Variants in SIPA1L1 observed in about 807,000 individuals in gnomAD.
SIPA1L1 encodes the protein signal-induced proliferation-associated 1-like protein 1.
A neutral mutation model predicts 162.7 loss-of-function variants in SIPA1L1; 26 were observed. The ratio of observed to expected loss-of-function variants is 0.16; its 90% confidence interval spans 0.12 to 0.22. The LOEUF (loss-of-function observed/expected upper bound fraction) is 0.22, where lower values mean the gene tolerates loss of function less well. SIPA1L1 is among the 10% of genes least tolerant of loss of function. The pLI is 1.00. For synonymous variants in SIPA1L1, 829 were observed against 837.4 expected (o/e 0.99, Z 0.17); for missense variants, 1,874 against 2,241.0 (o/e 0.84, Z 3.31).
In SIPA1L1 at chr14:71,606,540, A is replaced by G. The variant is rs149751190; in HGVS notation, c.1499-12217A>G. 2.9e-3 allele frequency among the ~76,000 whole-genome samples: 444 copies of G among 152,254 alleles called. 2 individuals are homozygous for G. The highest frequency in any genetic ancestry group is 0.017 in the Middle Eastern group (5 of 294). On this transcript the variant is annotated intron_variant, in intron 5 of 23. Coordinates refer to ENST00000381232, the MANE Select transcript of SIPA1L1 (RefSeq NM_001386936.1). ...GGACTCAGGAGGGTATGTTGGACCA[A>G]TTGTGGGCTTCGTCCTGAGCACTGC...
intron 14 of SIPA1L1, among the ~76,000 whole-genome samples, chr14:71,700,994 C>CAAAAAAAAAAAAAAAAAAA (rs539293669): frequency 7.7e-5 from 4 of 51,736 alleles, no homozygotes; most frequent in African/African-American, 1.5e-4. Context: ...GACTCCGTCT[C>CAAAAAAAAAAAAAAAAAAA]AAAAAAAAAA....
intron 19 of SIPA1L1, among the ~76,000 whole-genome samples, chr14:71,726,055 CCCAGATAGG>C (rs1309703630): frequency 6.6e-6 from 1 of 152,122 alleles, no homozygotes; most frequent in Non-Finnish European, 1.5e-5. Flanking sequence ...CATGCATCTC[CCCAGATAGG>C]CCAGATAAAC....
chr14:71,362,880 T>C (rs1019426327), intron 2 of SIPA1L1, among the ~76,000 whole-genome samples: 4 of 152,204 alleles, frequency 2.6e-5, no homozygotes, highest in Admixed American at 6.5e-5. Context: ...GCTTCTGTAA[T>C]AGAAGTATAG....
chr14:71,484,965 T>C (rs1391156425), intron 2 of SIPA1L1, among the ~76,000 whole-genome samples: 1 of 152,174 alleles, frequency 6.6e-6, no homozygotes, highest in Non-Finnish European at 1.5e-5. Context: ...GACTTCTGAT[T>C]CTGCACAAAG....
rs2082171057 is a variant in SIPA1L1, at chr14:71,702,592, A to C, written c.3646+87A>C. 7 of 1,182,868 alleles carry C rather than the reference A, an allele frequency of 5.9e-6. No homozygotes were observed. The South Asian group carries it at 1.0e-4, about 17-fold the overall frequency. 73.3% of individuals were successfully genotyped at this position (1,182,868 alleles called of 1,614,324 possible). A position where few individuals can be genotyped will look rare whatever the true frequency, so the allele number is the denominator to read the frequency against. Reference sequence around the variant, plus strand: ...GATGATGTTATCAAAACATTGTTATAAAAGGTAGCCCTAGTTAATAAATAT... The same window carrying C: ...GATGATGTTATCAAAACATTGTTATCAAAGGTAGCCCTAGTTAATAAATAT... On this transcript the variant is annotated intron_variant, in intron 15 of 23. Coordinates refer to ENST00000381232, the MANE Select transcript of SIPA1L1 (RefSeq NM_001386936.1).
intron 4 of SIPA1L1, among the ~76,000 whole-genome samples, chr14:71,568,203 A>G (rs1322116188): frequency 6.6e-6 from 1 of 152,152 alleles, no homozygotes; most frequent in Non-Finnish European, 1.5e-5. Context: ...CCCAGCCTCT[A>G]TACAAGATGG....
intron 5 of SIPA1L1, among the ~76,000 whole-genome samples, chr14:71,595,962 C>T (rs926172856): frequency 6.6e-6 from 1 of 152,164 alleles, no homozygotes; most frequent in East Asian, 1.9e-4. Context: ...ATAGTCTACC[C>T]TGCTCAAAAT....
chr14:71,410,471 A>C (rs1013902070), intron 2 of SIPA1L1, among the ~76,000 whole-genome samples: 7 of 152,224 alleles, frequency 4.6e-5, no homozygotes, highest in African/African-American at 1.4e-4. Context: ...AGGGTTAAAC[A>C]TATGGGTTGA....
intron 4 of SIPA1L1, among the ~76,000 whole-genome samples, chr14:71,552,291 G>T (rs1768860775): frequency 6.6e-6 from 1 of 151,954 alleles, no homozygotes; most frequent in Non-Finnish European, 1.5e-5. Flanking sequence ...ACCACAAAAG[G>T]TACAGAATAT....
At chr14:71,664,571 C>G (rs1297843230) in intron 10 of SIPA1L1, among the ~76,000 whole-genome samples, 2 of 152,120 alleles carry the variant, frequency 1.3e-5, no homozygotes, top group African/African-American at 4.8e-5. Context: ...TCTAGTTATA[C>G]TCTTTTAGTT....
intron 2 of SIPA1L1, among the ~76,000 whole-genome samples, chr14:71,456,780 A>G (rs2046216801): frequency 6.6e-6 from 1 of 152,206 alleles, no homozygotes; most frequent in Non-Finnish European, 1.5e-5. Context: ...CAGTTTTTAA[A>G]ATAAAATATA....
At chr14:71,521,075 A>T (rs1476627941) in intron 3 of SIPA1L1, among the ~76,000 whole-genome samples, 1 of 151,992 alleles carries the variant, frequency 6.6e-6, no homozygotes, top group East Asian at 1.9e-4. Context: ...TCTGCTGTGG[A>T]TGTGCACTGC....
intron 13 of SIPA1L1, among the ~76,000 whole-genome samples, chr14:71,688,054 A>G (rs1596989375): frequency 6.6e-6 from 1 of 152,254 alleles, no homozygotes; most frequent in African/African-American, 2.4e-5. Context: ...AATATATGGT[A>G]ATTAATTGGA....
intron 18 of SIPA1L1, 148 bp downstream of exon 18, chr14:71,724,034 T>C: frequency 1.2e-6 from 1 of 808,016 alleles, no homozygotes; most frequent in Non-Finnish European, 1.9e-6. Context: ...TTTTTTTTCC[T>C]AAGTAATATT....
chr14:71,482,544 C>G (rs571830721), intron 2 of SIPA1L1, among the ~76,000 whole-genome samples: 2 of 152,332 alleles, frequency 1.3e-5, no homozygotes, highest in African/African-American at 4.8e-5. Flanking sequence ...TCCCTGAGTA[C>G]ATCTCTCTCA....
At chr14:71,629,217 A>G (rs1012363613) in intron 7 of SIPA1L1, among the ~76,000 whole-genome samples, 1 of 152,224 alleles carries the variant, frequency 6.6e-6, no homozygotes, top group Admixed American at 6.5e-5. Flanking sequence ...GATTACAGGC[A>G]TGAGCCACTG....
intron 3 of SIPA1L1, among the ~76,000 whole-genome samples, chr14:71,524,825 G>A (rs936393836): frequency 1.3e-5 from 2 of 152,120 alleles, no homozygotes; most frequent in South Asian, 2.1e-4. Context: ...AGATATGACC[G>A]ACTCATTCAT....
chr14:71,448,814 T>G (rs1450384800), intron 2 of SIPA1L1: 1 of 152,260 alleles, frequency 6.6e-6, no homozygotes, highest in African/African-American at 2.4e-5. Context: ...AGTTCAGCAT[T>G]TCCTGGGAGT....
chr14:71,563,486 A>G (rs2056953871), intron 4 of SIPA1L1, among the ~76,000 whole-genome samples: 1 of 152,144 alleles, frequency 6.6e-6, no homozygotes. Context: ...GTTTTTTAAA[A>G]CTATGACTCC....
Sources: allele counts gnomAD v4.1 joint callset (sites outside exome capture counted in the v4.1 genomes callset), GRCh38; gene constraint gnomAD v4.1.1; transcripts MANE v1.5; gene names NCBI Gene and HGNC (gene_info 2026-07-23, HGNC 2026-07-21).